IPO8: variants seen among roughly 807,000 people sequenced by gnomAD.
IPO8 encodes the protein importin-8.
Under a neutral mutation model 141.2 loss-of-function variants are expected in IPO8, and 65 were observed. The ratio of observed to expected loss-of-function variants is 0.46; its 90% confidence interval spans 0.38 to 0.57. IPO8 has a LOEUF of 0.57. Ranked by LOEUF, IPO8 falls within the 20% of genes least tolerant of loss-of-function variation. IPO8 has a pLI of 0.00. For synonymous variants in IPO8, 411 were observed against 420.3 expected (o/e 0.98, Z 0.27); for missense variants, 980 against 1,246.8 (o/e 0.79, Z 3.22).
At chr12:30,663,386 G>A in intron 14 of IPO8, 103 bp downstream of exon 14, 1 of 1,002,416 alleles carries the variant, frequency 1.0e-6, no homozygotes, top group Admixed American at 2.7e-5. Context: ...CAAAACCTCA[G>A]AATTCCAAAC....
At chr12:30,661,686 G>A (rs903900270) in intron 15 of IPO8, among the ~76,000 whole-genome samples, 2 of 149,398 alleles carry the variant, frequency 1.3e-5, no homozygotes, top group African/African-American at 4.9e-5. Context: ...GTCCAGATGT[G>A]ATTCTCCATA....
At chr12:30,653,381 T>G (rs1438463161) in intron 17 of IPO8, among the ~76,000 whole-genome samples, 1 of 152,024 alleles carries the variant, frequency 6.6e-6, no homozygotes, top group Non-Finnish European at 1.5e-5. Flanking sequence ...TAATCTATAT[T>G]TATAAAACTG....
intron 10 of IPO8, 149 bp downstream of exon 10, chr12:30,669,034 A>G (rs2053009351): frequency 8.1e-6 from 4 of 492,352 alleles, no homozygotes; most frequent in South Asian, 7.7e-5. Flanking sequence ...TCAACAAAAT[A>G]ACATCAAACT....
At chr12:30,667,812 T>C (rs577835667) in intron 10 of IPO8, among the ~76,000 whole-genome samples, 2 of 152,326 alleles carry the variant, frequency 1.3e-5, no homozygotes, top group South Asian at 2.1e-4. Flanking sequence ...ATATAAATAA[T>C]GGTAACTTTC....
chr12:30,648,320 C>T (rs1214791726), intron 20 of IPO8, among the ~76,000 whole-genome samples: 2 of 152,136 alleles, frequency 1.3e-5, no homozygotes, highest in South Asian at 2.1e-4. Flanking sequence ...AAGCCAGTCA[C>T]GAAGGACCAC....
chr12:30,693,911 T>C lies in IPO8; in HGVS notation c.84+1653A>G, dbSNP rs541732619. Among the ~76,000 whole-genome samples, 7 of 152,300 alleles carry C rather than the reference T, an allele frequency of 4.6e-5. No homozygotes were observed. In the South Asian group the frequency reaches 1.5e-3, roughly 32 times the overall value. ...ATACCACCCTGAACGTGCCTGCTTT[T>C]GTCTGAAATACCATGGGAAAAAAAA... On this transcript the variant is annotated intron_variant, in intron 1 of 24. Coordinates refer to ENST00000256079, the MANE Select transcript of IPO8 (RefSeq NM_006390.4).
intron 16 of IPO8, among the ~76,000 whole-genome samples, chr12:30,657,755 TGGAA>T (rs2052821122): frequency 6.6e-6 from 1 of 152,156 alleles, no homozygotes; most frequent in South Asian, 2.1e-4. Context: ...TTGATTGACA[TGGAA>T]GGATCATCAA....
rs186649543 is a variant in IPO8 at position 30,638,295 on chromosome 12, G to A, written c.2490-1108C>T. 1.5e-3 allele frequency among the ~76,000 whole-genome samples: 232 copies of A among 152,282 alleles called. 1 individual carries two copies. Among genetic ancestry groups the A allele is most frequent in the Middle Eastern group, 6.8e-3 (2 of 294 alleles). ...TTAACAACAATTTCTTTGATAGTAT[G>A]TTCTTCCCTTCAAGGTTTTAATAAC... On this transcript the variant is annotated intron_variant, in intron 21 of 24. Coordinates refer to ENST00000256079, the MANE Select transcript of IPO8 (RefSeq NM_006390.4).
At chr12:30,683,029 C>T (rs1024859198) in intron 3 of IPO8, among the ~76,000 whole-genome samples, 1 of 152,082 alleles carries the variant, frequency 6.6e-6, no homozygotes, top group African/African-American at 2.4e-5. Context: ...AAAAATAAAA[C>T]TGAAGCTTTT....
rs1208101296 is a variant in IPO8, at chr12:30,695,222, T to C, written c.84+342A>G. On this transcript the variant is annotated intron_variant, in intron 1 of 24. Coordinates refer to ENST00000256079, the MANE Select transcript of IPO8 (RefSeq NM_006390.4). The surrounding 1 kb of genome is among the most constrained non-coding windows in gnomAD (Gnocchi z 4.2). ...GTAAAATTCCCACCTGCTCCCCAAG[T>C]CCGCGCACTTAAGGAAAATAAATCA... The C allele has an allele frequency of 2.3e-6, 1 of 439,748 alleles. No homozygotes were observed. The highest frequency in any genetic ancestry group is 4.2e-6 in the Non-Finnish European group (1 of 236,046). 27.2% of individuals were successfully genotyped at this position (439,748 alleles called of 1,614,324 possible). A position where few individuals can be genotyped will look rare whatever the true frequency, so the allele number is the denominator to read the frequency against.
chr12:30,688,266 C>T (rs6487931), intron 2 of IPO8: 62,676 of 250,642 alleles, frequency 0.25, 9,231 homozygotes, highest in African/African-American at 0.43. Flanking sequence ...GCAGACCAAA[C>T]ATTCAAATTT....
chr12:30,666,399 CAGTGGCACCACAACATTG>C, intron 10 of IPO8, 148 bp from the exon 11 acceptor site: 1 of 482,332 alleles, frequency 2.1e-6, no homozygotes, highest in Admixed American at 3.7e-5. Flanking sequence ...TAAGGATATA[CAGTGGCACCACAACATTG>C]CTGTCTCCTG....
At chr12:30,652,884 C>A (rs2052747485) in intron 18 of IPO8, 83 bp downstream of exon 18, 8 of 1,208,102 alleles carry the variant, frequency 6.6e-6, no homozygotes, top group South Asian at 1.4e-5. Flanking sequence ...ATATTGGAAT[C>A]ATATGTGTTT....
At chr12:30,692,224 C>G (rs944063303) in intron 1 of IPO8, among the ~76,000 whole-genome samples, 4 of 152,188 alleles carry the variant, frequency 2.6e-5, no homozygotes, top group Non-Finnish European at 5.9e-5. Context: ...ACAAAATAAC[C>G]TTTACACTTA....
In IPO8 at chr12:30,662,318, C is replaced by A. The variant is rs372689069; in HGVS notation, c.1755+9G>T. 2 of 1,604,238 alleles carry A rather than the reference C, an allele frequency of 1.2e-6. No homozygotes were observed. Among genetic ancestry groups the A allele is most frequent in the African/African-American group, 1.3e-5 (1 of 74,484 alleles). ...TAAACCAAATTAACATAAAACTGCC[C>A]GGTCTTACCAAGTGTTGGGTCATAT... On this transcript the variant is annotated intron_variant, in intron 15 of 24. Transcript: ENST00000256079.
intron 20 of IPO8, among the ~76,000 whole-genome samples, chr12:30,648,622 G>T (rs10743726): frequency 0.57 from 86,441 of 151,888 alleles, 25,684 homozygotes; most frequent in African/African-American, 0.74. Context: ...CAATTTTACT[G>T]GAATATTTCA....
intron 2 of IPO8, chr12:30,688,368 A>C: frequency 4.8e-6 from 2 of 415,872 alleles, no homozygotes; most frequent in Non-Finnish European, 9.5e-6. Context: ...ACCAGTGAGC[A>C]CGCTTGATGG....
At chr12:30,646,998 T>C (rs1391795411) in intron 20 of IPO8, among the ~76,000 whole-genome samples, 2 of 152,182 alleles carry the variant, frequency 1.3e-5, no homozygotes, top group Non-Finnish European at 2.9e-5. Context: ...ACGGACCCTG[T>C]CTAGCCAAAA....
chr12:30,666,311 T>G, intron 10 of IPO8, 60 bp from the exon 11 acceptor site: 6 of 1,256,316 alleles, frequency 4.8e-6, no homozygotes, highest in African/African-American at 1.5e-5. Context: ...TTCTAGATTT[T>G]AAACCTGACT....
Sources: allele counts gnomAD v4.1 joint callset (sites outside exome capture counted in the v4.1 genomes callset), GRCh38; gene constraint gnomAD v4.1.1; non-coding constraint Gnocchi (gnomAD v3.1); transcripts MANE v1.5; gene names NCBI Gene and HGNC (gene_info 2026-07-23, HGNC 2026-07-21).